The following SYNE3 variants were observed in gnomAD, a reference collection of about 807,000 sequenced individuals.
SYNE3 encodes the protein spectrin repeat containing nuclear envelope family member 3.
A neutral mutation model predicts 111.2 loss-of-function variants in SYNE3; 100 were observed. The observed-to-expected ratio is 0.90, with a 90% CI of 0.77 to 1.06. The LOEUF (loss-of-function observed/expected upper bound fraction) is 1.06, where lower values mean the gene tolerates loss of function less well. Ranked by LOEUF, SYNE3 falls within the 50% of genes least tolerant of loss-of-function variation. The pLI, the probability that SYNE3 is intolerant of heterozygous loss-of-function variation, is 0.00. For synonymous variants in SYNE3, 547 were observed against 533.9 expected, an observed-to-expected ratio of 1.02 and a Z score of -0.34; for missense variants, 1,160 against 1,240.3, an observed-to-expected ratio of 0.94 and a Z score of 0.97.
intron 2 of SYNE3, among the ~76,000 whole-genome samples, chr14:95,475,085 A>C (rs1215895561): frequency 6.6e-6 from 1 of 152,200 alleles, no homozygotes; most frequent in African/African-American, 2.4e-5. Flanking sequence ...TCTTGTCCCC[A>C]GGCCACGGGC....
At chr14:95,430,008 G>GGAAAGA (rs1885666026) in intron 17 of SYNE3, 1 of 281,798 alleles carries the variant, frequency 3.5e-6, no homozygotes, top group African/African-American at 4.7e-5. Flanking sequence ...GGAAAGAAGG[G>GGAAAGA]AGGGAGGGAG....
chr14:95,453,908 G>A (rs569802108), intron 6 of SYNE3, among the ~76,000 whole-genome samples: 1 of 152,356 alleles, frequency 6.6e-6, no homozygotes, highest in South Asian at 2.1e-4. Context: ...TGTAAAATAA[G>A]ACCACATCCC....
chr14:95,450,423 C>T (rs1887001197), intron 7 of SYNE3: 1 of 286,420 alleles, frequency 3.5e-6, no homozygotes, highest in Non-Finnish European at 6.5e-6. Flanking sequence ...ACCTGTAGTC[C>T]CAGCACTTTG....
rs12893774 is a variant in SYNE3, at chr14:95,416,724, C to G, written c.*1102G>C. On this transcript the variant is annotated 3_prime_UTR_variant, in exon 18 of 18. Coordinates refer to ENST00000682763, the MANE Select transcript of SYNE3 (RefSeq NM_152592.6). ...TGTCTCCAGAGTCTTTTCTGGGAAG[C>G]GGAAGGAGAGCCCTTGAGACAGGCT... The G allele has an allele frequency of 0.23, 35,696 of 152,302 alleles. 4,488 individuals are homozygous for G. Among genetic ancestry groups the G allele is most frequent in the African/African-American group, 0.3 (12,652 of 41,504 alleles). 9.4% of individuals were successfully genotyped at this position (152,302 alleles called of 1,614,324 possible). A position where few individuals can be genotyped will look rare whatever the true frequency, so the allele number is the denominator to read the frequency against.
At chr14:95,418,077 G>C in intron 17 of SYNE3, 51 bp from the exon 18 acceptor site, 1 of 1,595,060 alleles carries the variant, frequency 6.3e-7, no homozygotes, top group Non-Finnish European at 8.5e-7. Flanking sequence ...TCTGGTGGTG[G>C]GGGGCAGGTT....
At chr14:95,448,265 A>G (rs1314692293) in intron 8 of SYNE3, among the ~76,000 whole-genome samples, 1 of 151,862 alleles carries the variant, frequency 6.6e-6, no homozygotes, top group African/African-American at 2.4e-5. Context: ...TTTGTGACAC[A>G]TATGAAATTC....
At chr14:95,449,550 C>T in intron 8 of SYNE3, 1 of 985,428 alleles carries the variant, frequency 1.0e-6, no homozygotes, top group Non-Finnish European at 1.2e-6. Flanking sequence ...GGCCTGGCAC[C>T]CTGGACTGCC....
chr14:95,478,140 C>T (rs955187260), intron 1 of SYNE3, among the ~76,000 whole-genome samples: 22 of 152,176 alleles, frequency 1.4e-4, no homozygotes, highest in African/African-American at 4.6e-4. Context: ...TCAGACCAAC[C>T]GAACTGTGGG....
chr14:95,454,160 G>A lies in SYNE3; in HGVS notation c.1137+1217C>T, dbSNP rs542979685. Among the ~76,000 whole-genome samples, 8 of 152,356 alleles carry A rather than the reference G, an allele frequency of 5.3e-5. No individual in the cohort carries two copies. In the South Asian group the frequency reaches 6.2e-4, roughly 12 times the overall value. ...GTCATACCCAGCCCTCTGCTCTCTC[G>A]GGAGCATCCCAGGGTTGCAGTCCCA... On this transcript the variant is annotated intron_variant, in intron 6 of 17. Transcript: ENST00000682763.
At chr14:95,511,823 T>C (rs1182773056) in intron 1 of SYNE3, among the ~76,000 whole-genome samples, 2 of 152,218 alleles carry the variant, frequency 1.3e-5, no homozygotes, top group Non-Finnish European at 2.9e-5. Flanking sequence ...GGAGGAGCCT[T>C]GTGACCCAAG....
intron 17 of SYNE3, among the ~76,000 whole-genome samples, chr14:95,430,917 G>A (rs977587113): frequency 2.0e-5 from 3 of 151,954 alleles, no homozygotes; most frequent in African/African-American, 7.2e-5. Flanking sequence ...AGTTGGTATT[G>A]GGCCCAGAGC....
chr14:95,480,990 C>A (rs991475202), intron 1 of SYNE3, among the ~76,000 whole-genome samples: 11 of 152,104 alleles, frequency 7.2e-5, no homozygotes, highest in Admixed American at 3.9e-4. Flanking sequence ...AGAGCCTCCT[C>A]CCCACCCCCG....
At chr14:95,474,841 G>A (rs1050320032) in intron 2 of SYNE3, among the ~76,000 whole-genome samples, 8 of 152,222 alleles carry the variant, frequency 5.3e-5, no homozygotes, top group Non-Finnish European at 1.0e-4. Context: ...TTTGCTGCGG[G>A]AGAAGGCAGC....
intron 13 of SYNE3, 109 bp from the exon 14 acceptor site, chr14:95,439,271 C>T: frequency 6.7e-7 from 1 of 1,497,232 alleles, no homozygotes; most frequent in Non-Finnish European, 9.2e-7. Context: ...CAGTGCCCCC[C>T]ACTGAAGTTT....
In SYNE3 at chr14:95,439,729, T is replaced by C; in HGVS notation, c.2129A>G (p.Gln710Arg). ...AGACTTCTCCATCACCAGCCAGCCCTGCGCTTCCACCAGGGACAGCTGGGC... is the reference window on the plus strand; with the variant it reads ...AGACTTCTCCATCACCAGCCAGCCCCGCGCTTCCACCAGGGACAGCTGGGC... ...KEAQLSLVEAQGWLVMEKSSP... is the reference protein window; with the variant it reads ...KEAQLSLVEARGWLVMEKSSP... The change falls in exon 13 of 18, where the codon CAG becomes CGG. Residue 710 changes from glutamine (Q) to arginine (R), a missense_variant. By Grantham distance (43) the Gln-to-Arg change is conservative (BLOSUM62 1). Coordinates refer to ENST00000682763, the MANE Select transcript of SYNE3 (RefSeq NM_152592.6). The C allele has an allele frequency of 6.2e-7, 1 of 1,614,122 alleles. No homozygotes were observed. Among genetic ancestry groups the C allele is most frequent in the Non-Finnish European group, 8.5e-7 (1 of 1,179,986 alleles).
chr14:95,514,090 T>C (rs576126579), intron 1 of SYNE3, among the ~76,000 whole-genome samples: 9 of 152,246 alleles, frequency 5.9e-5, no homozygotes, highest in South Asian at 2.1e-4. Context: ...AGTCCCTCTG[T>C]AGGCTTCTCT....
At position 95,475,696 on chromosome 14, in the gene SYNE3, G is replaced by A. The variant is rs771769967; in HGVS notation, c.126C>T (p.Ala42=). The change falls in exon 2 of 18, where the codon GCC becomes GCT. Residue 42 remains alanine (A), a synonymous_variant. Transcript: ENST00000682763. Reference sequence around the variant, plus strand: ...TGCATACCTCGGTCTCCCACAGCCTGGCCTCCAGGGCCGCGCGGGGTCCCT... The same window carrying A: ...TGCATACCTCGGTCTCCCACAGCCTAGCCTCCAGGGCCGCGCGGGGTCCCT... ...NTQGPRAALE[A]RLWETEKICQ... 6.0e-5 allele frequency: 95 copies of A among 1,581,632 alleles called. No homozygotes were observed. The highest frequency in any genetic ancestry group is 7.8e-5 in the Non-Finnish European group (91 of 1,165,744).
intron 9 of SYNE3, among the ~76,000 whole-genome samples, chr14:95,444,882 G>A (rs1158907187): frequency 1.3e-5 from 2 of 152,076 alleles, no homozygotes; most frequent in East Asian, 1.9e-4. Flanking sequence ...TCCACCCACC[G>A]ACCAAATCCC....
intron 1 of SYNE3, among the ~76,000 whole-genome samples, chr14:95,509,757 T>C (rs1190866207): frequency 6.6e-6 from 1 of 152,250 alleles, no homozygotes; most frequent in Non-Finnish European, 1.5e-5. Context: ...CCAGCCATGG[T>C]GGCCCACCCT....
Sources: allele counts gnomAD v4.1 joint callset (sites outside exome capture counted in the v4.1 genomes callset), GRCh38; gene constraint gnomAD v4.1.1; transcripts MANE v1.5; gene names NCBI Gene and HGNC (gene_info 2026-07-23, HGNC 2026-07-21).